ATAD2B: variants seen among roughly 807,000 people sequenced by gnomAD.
ATAD2B encodes the protein ATPase family AAA domain containing 2B.
ATAD2B carries 40 observed loss-of-function variants against 167.6 expected under a neutral mutation model. That is an observed-to-expected ratio of 0.24 (90% CI 0.19 to 0.31). The LOEUF is 0.31. Among genes scored for constraint, ATAD2B ranks in the 10% least tolerant of loss-of-function variants. The probability of loss-of-function intolerance (pLI) is 1.00; values close to 1 mark genes in which losing one functional copy is unlikely to be tolerated. For synonymous variants in ATAD2B, 579 were observed against 596.5 expected (o/e 0.97, Z 0.43); for missense variants, 1,242 against 1,757.2 (o/e 0.71, Z 5.24).
chr2:23,763,544 C>A (rs1043181748), intron 23 of ATAD2B, among the ~76,000 whole-genome samples: 1 of 152,124 alleles, frequency 6.6e-6, no homozygotes, highest in African/African-American at 2.4e-5. Flanking sequence ...AGAAATCATA[C>A]AATATGTAGT....
intron 10 of ATAD2B, among the ~76,000 whole-genome samples, chr2:23,867,606 T>C (rs779130248): frequency 6.6e-6 from 1 of 152,202 alleles, no homozygotes; most frequent in Non-Finnish European, 1.5e-5. Context: ...TTGCCCCTCA[T>C]AACCTTCTCA....
intron 27 of ATAD2B, among the ~76,000 whole-genome samples, chr2:23,753,771 C>T (rs141335885): frequency 6.6e-5 from 10 of 152,178 alleles, no homozygotes; most frequent in African/African-American, 1.4e-4. Flanking sequence ...CCCATGCCAA[C>T]GCCTTTATAT....
intron 22 of ATAD2B, among the ~76,000 whole-genome samples, chr2:23,774,982 CACAAGATG>C (rs1558513269): frequency 6.6e-6 from 1 of 152,060 alleles, no homozygotes; most frequent in Non-Finnish European, 1.5e-5. Flanking sequence ...ACATGCTTTA[CACAAGATG>C]CCTATACAGA....
chr2:23,820,809 G>A (rs1408568743), intron 16 of ATAD2B, among the ~76,000 whole-genome samples: 4 of 152,082 alleles, frequency 2.6e-5, no homozygotes, highest in South Asian at 2.1e-4. Flanking sequence ...TTAGCCGGGC[G>A]TGGTGGCAGG....
chr2:23,882,455 G>A (rs892500891), intron 6 of ATAD2B, among the ~76,000 whole-genome samples: 11 of 135,990 alleles, frequency 8.1e-5, no homozygotes, highest in Admixed American at 1.6e-4. Context: ...CTCAGCCTCC[G>A]AAAGTGCTGG....
chr2:23,888,612 T>C (rs564682396), intron 2 of ATAD2B, among the ~76,000 whole-genome samples: 40 of 152,234 alleles, frequency 2.6e-4, no homozygotes, highest in African/African-American at 9.6e-4. Flanking sequence ...AATAACAGAT[T>C]ATACACTAAG....
At chr2:23,917,510 A>G (rs1289481575) in intron 1 of ATAD2B, among the ~76,000 whole-genome samples, 1 of 152,220 alleles carries the variant, frequency 6.6e-6, no homozygotes, top group Non-Finnish European at 1.5e-5. Flanking sequence ...TATACACTGT[A>G]AATTAATATC....
At chr2:23,686,018 G>A in the ATAD2B span, among the ~76,000 whole-genome samples, 2 of 152,358 alleles carry the variant, frequency 1.3e-5, no homozygotes, top group Non-Finnish European at 2.9e-5. Flanking sequence ...ACCGCACATT[G>A]AAAGCCAGAC....
intron 26 of ATAD2B, 80 bp downstream of exon 26, chr2:23,754,567 T>C: frequency 6.6e-7 from 1 of 1,517,950 alleles, no homozygotes; most frequent in South Asian, 1.2e-5. Context: ...GCAGGAAAAC[T>C]ACTTTTACTC....
intron 19 of ATAD2B, among the ~76,000 whole-genome samples, chr2:23,794,457 G>A (rs1682289459): frequency 6.6e-6 from 1 of 152,202 alleles, no homozygotes; most frequent in Admixed American, 6.5e-5. Context: ...CAGATATGTA[G>A]TTGGAAATGA....
chr2:23,926,501 C>G (rs1168850855), intron 1 of ATAD2B, 54 bp downstream of exon 1: 7 of 1,519,256 alleles, frequency 4.6e-6, no homozygotes, highest in East Asian at 2.5e-5. Flanking sequence ...GACAAAGCCC[C>G]GGCAGCAGGG....
intron 17 of ATAD2B, among the ~76,000 whole-genome samples, chr2:23,815,860 A>G (rs1025480897): frequency 6.6e-6 from 1 of 152,154 alleles, no homozygotes; most frequent in Admixed American, 6.5e-5. Flanking sequence ...TTTTTTCCCC[A>G]TAGTACTTAT....
intron 6 of ATAD2B, among the ~76,000 whole-genome samples, chr2:23,881,870 T>C (rs912992943): frequency 2.0e-5 from 3 of 151,970 alleles, no homozygotes; most frequent in African/African-American, 7.2e-5. Context: ...ACTACAAGCA[T>C]GTATCACCAT....
At chr2:23,814,508 C>T (rs1470806089) in intron 17 of ATAD2B, among the ~76,000 whole-genome samples, 8 of 152,040 alleles carry the variant, frequency 5.3e-5, no homozygotes, top group African/African-American at 1.7e-4. Flanking sequence ...AGGCAGAAAC[C>T]CAAAAGATTG....
chr2:23,828,801 G>T, intron 15 of ATAD2B, 48 bp downstream of exon 15: 1 of 1,218,788 alleles, frequency 8.2e-7, no homozygotes, highest in South Asian at 1.3e-5. Flanking sequence ...AAGGGAGGTT[G>T]AGCAGAACAA....
chr2:23,783,330 T>A (rs1680339727), intron 21 of ATAD2B, among the ~76,000 whole-genome samples: 1 of 150,886 alleles, frequency 6.6e-6, no homozygotes, highest in African/African-American at 2.4e-5. Context: ...GGGAAGATAA[T>A]GTATGGGCAA....
chr2:23,900,229 T>C (rs1046526496), intron 1 of ATAD2B, among the ~76,000 whole-genome samples: 1 of 151,980 alleles, frequency 6.6e-6, no homozygotes, highest in Admixed American at 6.6e-5. Flanking sequence ...TACTTTTTAT[T>C]TTATATTTTT....
intron 2 of ATAD2B, among the ~76,000 whole-genome samples, chr2:23,893,105 A>G (rs868420445): frequency 1.3e-5 from 2 of 152,182 alleles, no homozygotes; most frequent in Non-Finnish European, 2.9e-5. Context: ...CCCAAAAGAA[A>G]ACTCATAATC....
chr2:23,789,214 C>T (rs1681282218), intron 19 of ATAD2B, among the ~76,000 whole-genome samples: 1 of 152,106 alleles, frequency 6.6e-6, no homozygotes, highest in African/African-American at 2.4e-5. Context: ...TCATATCCTT[C>T]AGCTCCATCC....
Sources: gnomAD v4.1 joint callset for allele counts (sites outside exome capture counted in the v4.1 genomes callset) on GRCh38, gnomAD v4.1.1 for gene constraint, MANE v1.5 for transcripts, NCBI Gene and HGNC (gene_info 2026-07-23, HGNC 2026-07-21) for gene names.